FANCI: variants seen among roughly 807,000 people sequenced by gnomAD.
The protein encoded by FANCI is FA complementation group I.
A neutral mutation model predicts 176.1 loss-of-function variants in FANCI; 156 were observed. The ratio of observed to expected loss-of-function variants is 0.89; its 90% confidence interval spans 0.78 to 1.01. The LOEUF is 1.01. Ranked by LOEUF, FANCI falls within the 50% of genes least tolerant of loss-of-function variation. FANCI has a pLI of 0.00. For synonymous variants in FANCI, 613 were observed against 541.7 expected (o/e 1.13, Z -1.83); for missense variants, 1,678 against 1,534.1 (o/e 1.09, Z -1.57).
intron 34 of FANCI, among the ~76,000 whole-genome samples, chr15:89,312,480 ACTC>A (rs1420666213): frequency 1.6e-4 from 24 of 152,298 alleles, no homozygotes; most frequent in Middle Eastern, 3.4e-3. Flanking sequence ...AGTCCTGTTT[ACTC>A]CAGACTTGGT....
chr15:89,293,907 C>T lies in FANCI; in HGVS notation c.2366C>T (p.Ala789Val), dbSNP rs925359228. ...CTCTCTGACATTCTTAATGAAAAAG[C>T]GGGTAAAGCCAAAACTAAAATGGCC... ...KKLSDILNEK[A>V]GKAKTKMANK... is the part of the protein sequence containing the mutation. Residue 789 changes from alanine to valine, a missense_variant, in exon 23 of 38, where the codon GCG (alanine) becomes GTG (valine). By Grantham distance (64) the Ala-to-Val change is moderately conservative. Around this residue, in one of 3 missense-constraint regions of FANCI, gnomAD observed 1,204 missense variants for 1,077.4 expected, o/e 1.12. Coordinates refer to ENST00000310775, the MANE Select transcript of FANCI (RefSeq NM_001113378.2). 7 of 1,613,924 alleles carry T rather than the reference C, an allele frequency of 4.3e-6. No homozygotes were observed. Among genetic ancestry groups the T allele is most frequent in the Non-Finnish European group, 5.9e-6 (7 of 1,179,932 alleles).
In FANCI at chr15:89,253,783, TTG is replaced by T. The variant is rs1396771052; in HGVS notation, c.85-4918_85-4917del. 1.3e-3 allele frequency among the ~76,000 whole-genome samples: 81 copies of T among 63,472 alleles called. 2 individuals are homozygous for T. The East Asian group carries it at 0.026, about 20-fold the overall frequency. 41.6% of individuals were successfully genotyped at this position (63,472 alleles called of 152,430 possible). On this transcript the variant is annotated intron_variant, in intron 2 of 37. Coordinates refer to ENST00000310775, the MANE Select transcript of FANCI (RefSeq NM_001113378.2). Reference sequence around the variant, plus strand: ...TTAATATCCCTAATTCATAAATAACTTGTGGGGGGGGGGGGGAAGATAAACTG... The same window carrying T: ...TTAATATCCCTAATTCATAAATAACTTGGGGGGGGGGGGGAAGATAAACTG...
intron 24 of FANCI, 113 bp from the exon 25 acceptor site, chr15:89,299,687 T>C: frequency 9.7e-7 from 1 of 1,035,438 alleles, no homozygotes; most frequent in Non-Finnish European, 1.4e-6. Context: ...CACAACCATG[T>C]AAGTTTTTTT....
In FANCI at chr15:89,263,386, A is replaced by G. The variant is rs554544465; in HGVS notation, c.504-33A>G. Reference sequence around the variant, plus strand: ...ACAAAGTTATATCTAAATAAGTTGTAAAGAAATAAACTTTGTCATTTTCTT... The same window carrying G: ...ACAAAGTTATATCTAAATAAGTTGTGAAGAAATAAACTTTGTCATTTTCTT... On this transcript the variant is annotated intron_variant, in intron 6 of 37. Transcript: ENST00000310775. 64 of 1,591,694 alleles carry G rather than the reference A, an allele frequency of 4.0e-5. 1 individual carries two copies. The South Asian group carries it at 5.3e-4, about 13-fold the overall frequency.
chr15:89,283,606 ATAT>A (rs2053702081), intron 17 of FANCI, among the ~76,000 whole-genome samples: 1 of 152,206 alleles, frequency 6.6e-6, no homozygotes, highest in Non-Finnish European at 1.5e-5. Flanking sequence ...ATAATTTTTA[ATAT>A]TGATTACATC....
At chr15:89,293,794 G>C in intron 22 of FANCI, 39 bp from the exon 23 acceptor site, 1 of 1,593,512 alleles carries the variant, frequency 6.3e-7, no homozygotes, top group South Asian at 1.1e-5. Context: ...ACAATATTCT[G>C]ATGTTTGTCC....
chr15:89,303,123 C>G (rs1473928148), intron 27 of FANCI, among the ~76,000 whole-genome samples: 2 of 152,182 alleles, frequency 1.3e-5, no homozygotes, highest in Non-Finnish European at 1.5e-5. Context: ...CTGCATCCTG[C>G]TTATTTCATT....
At chr15:89,310,274 A>C (rs947155391) in intron 34 of FANCI, among the ~76,000 whole-genome samples, 1 of 152,360 alleles carries the variant, frequency 6.6e-6, no homozygotes, top group South Asian at 2.1e-4. Flanking sequence ...TGTTCCAATG[A>C]AATTTTCTTA....
chr15:89,313,313 T>G (rs2055043067), intron 35 of FANCI, among the ~76,000 whole-genome samples: 1 of 152,188 alleles, frequency 6.6e-6, no homozygotes, highest in South Asian at 2.1e-4. Context: ...TACAGCTCTA[T>G]CAAGCTGTTA....
At chr15:89,256,958 G>C (rs948403249) in intron 2 of FANCI, among the ~76,000 whole-genome samples, 3 of 152,142 alleles carry the variant, frequency 2.0e-5, no homozygotes, top group Admixed American at 2.0e-4. Context: ...CCAGGCTAGA[G>C]TGCAGGGGCG....
chr15:89,283,323 C>T, intron 17 of FANCI, 73 bp downstream of exon 17: 2 of 1,602,764 alleles, frequency 1.2e-6, no homozygotes, highest in Non-Finnish European at 1.7e-6. Flanking sequence ...ACGCTGTTTT[C>T]TTTTATTCCT....
intron 7 of FANCI, 24 bp from the exon 8 acceptor site, chr15:89,263,879 G>T: frequency 6.2e-7 from 1 of 1,613,960 alleles, no homozygotes; most frequent in East Asian, 2.2e-5. Flanking sequence ...ACTGTCTATA[G>T]CCTTTAGAAT....
At chr15:89,264,949 G>A (rs965023695) in intron 9 of FANCI, among the ~76,000 whole-genome samples, 19 of 152,132 alleles carry the variant, frequency 1.2e-4, no homozygotes, top group Admixed American at 1.2e-3. Flanking sequence ...AGTGAGAAGA[G>A]GAAAGAAAAT....
At chr15:89,287,168 T>A (rs1596295948) in intron 18 of FANCI, among the ~76,000 whole-genome samples, 1 of 152,012 alleles carries the variant, frequency 6.6e-6, no homozygotes, top group East Asian at 1.9e-4. Context: ...GAGACTGGGG[T>A]TTCACCATGT....
In FANCI at chr15:89,298,175, T is replaced by TA. The variant is rs527358042; in HGVS notation, c.2637-1624dup. 2.6e-4 allele frequency among the ~76,000 whole-genome samples: 40 copies of TA among 152,210 alleles called. No individual in the cohort carries two copies. The East Asian group carries it at 7.5e-3, about 29-fold the overall frequency. On this transcript the variant is annotated intron_variant, in intron 24 of 37. Transcript: ENST00000310775. ...CACCCAGCTTGATTTAATTGACACT[T>TA]ATAAGAACACTCCACAGCACCTTCA...
intron 23 of FANCI, 64 bp downstream of exon 23, chr15:89,294,061 C>G (rs922508148): frequency 2.0e-6 from 3 of 1,537,906 alleles, no homozygotes; most frequent in Non-Finnish European, 2.7e-6. Flanking sequence ...TACCTAGGCT[C>G]ACTTGTTTCA....
intron 4 of FANCI, among the ~76,000 whole-genome samples, chr15:89,261,357 C>G (rs2052704975): frequency 3.3e-5 from 5 of 152,200 alleles, no homozygotes; most frequent in Admixed American, 3.3e-4. Flanking sequence ...CTTTGAAGAG[C>G]TGGCATATCT....
chr15:89,291,564 TA>T, intron 19 of FANCI, 48 bp from the exon 20 acceptor site: 1 of 1,481,768 alleles, frequency 6.7e-7, no homozygotes. Flanking sequence ...GTTAAAAAAG[TA>T]AAAAGCATTT....
Position 89,314,609 on chromosome 15 carries a change from T to C in FANCI, c.3721-3T>C. 2 of 1,612,246 alleles carry C rather than the reference T, an allele frequency of 1.2e-6. No homozygotes were observed. Among genetic ancestry groups the C allele is most frequent in the Non-Finnish European group, 1.7e-6 (2 of 1,178,274 alleles). On this transcript the variant is annotated splice_polypyrimidine_tract_variant and splice_region_variant and intron_variant, in intron 35 of 37. Transcript: ENST00000310775. The stretch of plus-strand genomic sequence containing the variant: ...ATTTAAGTCTTATGTTCTTTGCCCT[T>C]AGGCCAGAGTTCTTCGGGAAACCAA...
Sources: gnomAD v4.1 joint callset for allele counts (sites outside exome capture counted in the v4.1 genomes callset) on GRCh38, gnomAD v4.1.1 for gene constraint, gnomAD v4.1.1 regional missense constraint, MANE v1.5 for transcripts, NCBI Gene and HGNC (gene_info 2026-07-23, HGNC 2026-07-21) for gene names.